Variants in LACTBL1 observed in about 807,000 individuals in gnomAD.
The protein encoded by LACTBL1 is beta-lactamase-like protein 1.
A neutral mutation model predicts 39.6 loss-of-function variants in LACTBL1; 29 were observed. The observed-to-expected ratio is 0.73, with a 90% confidence interval of 0.55 to 1.00. LACTBL1 has a LOEUF of 1.00. Ranked by LOEUF, LACTBL1 falls within the 50% of genes least tolerant of loss-of-function variation. LACTBL1 has a pLI of 0.00. For missense variants in LACTBL1, 711 were observed against 748.5 expected (o/e 0.95, Z 0.59); for synonymous variants, 361 against 360.7 (o/e 1.00, Z -0.01).
At chr1:22,968,937 G>A (rs1234091542), upstream of LACTBL1, among the ~76,000 whole-genome samples, 14 of 152,114 alleles carry the variant, frequency 9.2e-5, no homozygotes, top group South Asian at 1.2e-3. Context: ...GCGCAGTGAT[G>A]TGATCAGTTT....
chr1:22,953,103 G>A lies in LACTBL1; in HGVS notation c.1581C>T (p.Pro527=), dbSNP rs572145678. 95 of 1,229,944 alleles carry A rather than the reference G, an allele frequency of 7.7e-5. 2 individuals are homozygous for A. The South Asian group carries it at 3.0e-3, about 39-fold the overall frequency. 76.2% of individuals were successfully genotyped at this position (1,229,944 alleles called of 1,614,324 possible). Residue 527 remains proline (P), a synonymous_variant, in exon 6 of 6, where the codon CCC becomes CCT. Transcript: ENST00000426928. ...GCAGCACTCTGTACGTGTTGAGGCCGGGCACGTCGAAGCCGGGTGACAGCC... is the reference window on the plus strand; with the variant it reads ...GCAGCACTCTGTACGTGTTGAGGCCAGGCACGTCGAAGCCGGGTGACAGCC...
intron 2 of LACTBL1, among the ~76,000 whole-genome samples, chr1:22,962,375 C>CG (rs1640833310): frequency 6.6e-6 from 1 of 152,072 alleles, no homozygotes; most frequent in Non-Finnish European, 1.5e-5. Context: ...CACCATGCTG[C>CG]GGCTCATATT....
At chr1:22,959,394 G>T (rs1166856837) in intron 3 of LACTBL1, among the ~76,000 whole-genome samples, 1 of 152,236 alleles carries the variant, frequency 6.6e-6, no homozygotes, top group African/African-American at 2.4e-5. Flanking sequence ...CCCATGCCTG[G>T]CACAAAGCAG....
intron 4 of LACTBL1, among the ~76,000 whole-genome samples, chr1:22,956,282 G>A (rs1185268651): frequency 6.6e-6 from 1 of 151,846 alleles, no homozygotes; most frequent in African/African-American, 2.4e-5. Context: ...TGAGGCAGGA[G>A]GATTGCTTGA....
intron 2 of LACTBL1, among the ~76,000 whole-genome samples, chr1:22,960,585 C>A (rs1640811304): frequency 7.0e-6 from 1 of 143,882 alleles, no homozygotes; most frequent in Admixed American, 7.3e-5. Flanking sequence ...CCACTGTACT[C>A]CAGCCCAGGC....
chr1:22,972,237 A>AC, the LACTBL1 span: 1 of 942,452 alleles, frequency 1.1e-6, no homozygotes, highest in Non-Finnish European at 1.3e-6. Flanking sequence ...AGCCAGAAGG[A>AC]CGGTGGCATG....
At chr1:22,963,781 C>T (rs1640850878) in intron 1 of LACTBL1, among the ~76,000 whole-genome samples, 1 of 152,014 alleles carries the variant, frequency 6.6e-6, no homozygotes, top group Non-Finnish European at 1.5e-5. Flanking sequence ...ACAGCAGCAC[C>T]CAAGCCTCTT....
chr1:22,953,943 C>A (rs887872330), exon 6 of LACTBL1: 4 of 1,550,284 alleles, frequency 2.6e-6, no homozygotes, highest in Non-Finnish European at 2.6e-6. Context: ...TCTCCGAGAC[C>A]CAGCGCTGGT....
At chr1:22,953,622 C>T in exon 6 of LACTBL1, 1 of 1,265,930 alleles carries the variant, frequency 7.9e-7, no homozygotes, top group Non-Finnish European at 9.9e-7. Flanking sequence ...GGTAGCCCCG[C>T]TGCGCGTGGA....
chr1:22,972,153 ATGATGATGATGATG>A, the LACTBL1 span, among the ~76,000 whole-genome samples: 1 of 24,474 alleles, frequency 4.1e-5, no homozygotes, highest in African/African-American at 6.0e-5. Flanking sequence ...GATGATGATG[ATGATGATGATGATG>A]ATGATGATGA....
chr1:22,954,052 C>A (rs1640738915), intron 5 of LACTBL1, 28 bp from the exon 8 acceptor site: 1 of 1,496,768 alleles, frequency 6.7e-7, no homozygotes, highest in South Asian at 1.3e-5. Flanking sequence ...GCAAGTGGGA[C>A]GGGGCCCTTC....
At chr1:22,955,270 C>T in intron 5 of LACTBL1, 51 bp downstream of exon 7, 3 of 1,425,690 alleles carry the variant, frequency 2.1e-6, no homozygotes, top group Non-Finnish European at 2.9e-6. Context: ...GCAGGTGTGT[C>T]TCCCCAGGAG....
At chr1:22,971,201 C>T in the LACTBL1 span, among the ~76,000 whole-genome samples, 1 of 152,174 alleles carries the variant, frequency 6.6e-6, no homozygotes, top group South Asian at 2.1e-4. Flanking sequence ...GAGATTCAAG[C>T]TCTGTAAGAT....
chr1:22,953,070 C>T, exon 6 of LACTBL1: 1 of 1,232,282 alleles, frequency 8.1e-7, no homozygotes, highest in East Asian at 3.2e-5. Context: ...CCGGCTTGCC[C>T]CGCAGCCGCA....
At chr1:22,961,529 A>G (rs994022546) in intron 2 of LACTBL1, among the ~76,000 whole-genome samples, 5 of 150,424 alleles carry the variant, frequency 3.3e-5, no homozygotes, top group African/African-American at 1.2e-4. Context: ...ACGTGTGGCT[A>G]ATTTTTGTAT....
At chr1:22,958,228 A>C (rs1389117230) in intron 4 of LACTBL1, among the ~76,000 whole-genome samples, 1 of 151,948 alleles carries the variant, frequency 6.6e-6, no homozygotes, top group Non-Finnish European at 1.5e-5. Flanking sequence ...TAAGACTACA[A>C]GTGTGTACCA....
chr1:22,956,344 A>G (rs536128124), intron 4 of LACTBL1, among the ~76,000 whole-genome samples: 22 of 152,222 alleles, frequency 1.4e-4, no homozygotes, highest in African/African-American at 5.3e-4. Flanking sequence ...GCACTCCAGC[A>G]TGGGAAACAG....
the LACTBL1 span, among the ~76,000 whole-genome samples, chr1:22,970,823 A>C: frequency 6.6e-6 from 1 of 152,150 alleles, no homozygotes; most frequent in African/African-American, 2.4e-5. Flanking sequence ...AAAAAAAAAA[A>C]AAAACAACTC....
upstream of LACTBL1, among the ~76,000 whole-genome samples, chr1:22,968,020 T>C (rs1640900885): frequency 6.6e-6 from 1 of 152,220 alleles, no homozygotes. Flanking sequence ...CCATGCTTGA[T>C]CTTGGTGTTT....
Sources: allele counts gnomAD v4.1 joint callset (sites outside exome capture counted in the v4.1 genomes callset), GRCh38; gene constraint gnomAD v4.1.1; transcripts MANE v1.5; gene names NCBI Gene and HGNC (gene_info 2026-07-23, HGNC 2026-07-21).